Variants in ZNF678 observed in about 807,000 individuals in gnomAD.
The protein encoded by ZNF678 is hypothetical protein MGC42493.
In ZNF678, 5 loss-of-function variants were observed where a neutral mutation model predicts 3.0. The observed-to-expected ratio is 1.69, with a 90% CI of 0.88 to 3.56. ZNF678 has a LOEUF of 3.56. Among genes scored for constraint, ZNF678 ranks in the 30% most tolerant of loss-of-function variants. ZNF678 has a pLI of 0.00. For synonymous variants in ZNF678, 218 were observed against 199.6 expected (o/e 1.09, Z -0.78); for missense variants, 593 against 605.0 (o/e 0.98, Z 0.21).
In ZNF678 at chr1:227,647,270, A is replaced by G. The variant is rs928794769; in HGVS notation, c.-37+600A>G. Among the ~76,000 whole-genome samples the G allele has an allele frequency of 3.9e-5, 6 of 152,150 alleles. No individual in the cohort carries two copies. The South Asian group carries it at 6.2e-4, about 16-fold the overall frequency. On this transcript the variant is annotated intron_variant, in intron 2 of 3. Transcript: ENST00000343776. ...AAAACTCCGTCTCAACAAACAAACA[A>G]AAAGAACCTATACATTTAAAATCCT...
In ZNF678 at chr1:227,646,611, C is replaced by T; in HGVS notation, c.-96C>T. The T allele has an allele frequency of 7.3e-7, 1 of 1,372,462 alleles. No individual in the cohort carries two copies. Among genetic ancestry groups the T allele is most frequent in the African/African-American group, 1.5e-5 (1 of 67,894 alleles). 85.0% of individuals were successfully genotyped at this position (1,372,462 alleles called of 1,614,324 possible). On this transcript the variant is annotated 5_prime_UTR_variant, in exon 2 of 4. Transcript: ENST00000343776. ...GAGGAGTGGGCATGCCTGGACCCTG[C>T]CCAGCGAAATTTGTATAGGGATGTG...
intron 5 of ZNF678, among the ~76,000 whole-genome samples, chr1:227,672,511 A>G (rs1239210066): frequency 1.3e-5 from 2 of 152,184 alleles, no homozygotes; most frequent in South Asian, 2.1e-4. Flanking sequence ...TCTCTGGGAA[A>G]CTCAGGTGGA....
At chr1:227,570,392 G>C (rs76110006) in intron 1 of ZNF678, among the ~76,000 whole-genome samples, 2 of 152,212 alleles carry the variant, frequency 1.3e-5, no homozygotes, top group African/African-American at 4.8e-5. Flanking sequence ...CACAGGAGTT[G>C]TGATAGGGAT....
chr1:227,565,952 G>C (rs1257138295), intron 1 of ZNF678, among the ~76,000 whole-genome samples: 2 of 152,030 alleles, frequency 1.3e-5, no homozygotes, highest in Admixed American at 1.3e-4. Context: ...TAGTAGAGAC[G>C]GGGTTTCACC....
intron 1 of ZNF678, among the ~76,000 whole-genome samples, chr1:227,614,955 A>T (rs1299161754): frequency 1.3e-5 from 2 of 152,234 alleles, no homozygotes; most frequent in Non-Finnish European, 2.9e-5. Context: ...AACAGCGTTT[A>T]ATTGAACAAA....
At chr1:227,611,180 TAG>T (rs1193062301) in intron 1 of ZNF678, among the ~76,000 whole-genome samples, 1 of 152,206 alleles carries the variant, frequency 6.6e-6, no homozygotes, top group African/African-American at 2.4e-5. Context: ...ATGATCTGTG[TAG>T]AGAGGACCTA....
chr1:227,598,949 TTC>T, intron 1 of ZNF678: 1 of 827,286 alleles, frequency 1.2e-6, no homozygotes, highest in East Asian at 2.6e-5. Flanking sequence ...TTTCTTCCAG[TTC>T]TCATTCATTT....
intron 1 of ZNF678, among the ~76,000 whole-genome samples, chr1:227,611,565 CAAG>C (rs1307563132): frequency 1.2e-4 from 19 of 152,186 alleles, no homozygotes; most frequent in Admixed American, 9.8e-4. Flanking sequence ...GTGTTCTTCT[CAAG>C]AAGAAGCTAT....
At chr1:227,641,131 G>T (rs149342922) in intron 1 of ZNF678, among the ~76,000 whole-genome samples, 2 of 152,236 alleles carry the variant, frequency 1.3e-5, no homozygotes, top group Non-Finnish European at 2.9e-5. Context: ...TGGAGGCTGA[G>T]GAGTTTCCTT....
chr1:227,677,658 G>GT (rs2102824015), downstream of ZNF678, among the ~76,000 whole-genome samples: 1 of 152,266 alleles, frequency 6.6e-6, no homozygotes, highest in African/African-American at 2.4e-5. Flanking sequence ...TACCTGCCAG[G>GT]TTTTAACTTG....
intron 2 of ZNF678, among the ~76,000 whole-genome samples, chr1:227,648,314 G>A (rs974962348): frequency 1.3e-5 from 2 of 151,836 alleles, no homozygotes; most frequent in African/African-American, 2.4e-5. Flanking sequence ...ACACACATAC[G>A]CATGCATGCA....
At chr1:227,603,868 A>G (rs1319994009) in intron 1 of ZNF678, among the ~76,000 whole-genome samples, 1 of 152,208 alleles carries the variant, frequency 6.6e-6, no homozygotes, top group Non-Finnish European at 1.5e-5. Context: ...TTAGTGTTAC[A>G]CAACCATTAA....
chr1:227,570,900 G>A (rs1446437623), intron 1 of ZNF678, among the ~76,000 whole-genome samples: 1 of 152,068 alleles, frequency 6.6e-6, no homozygotes, highest in Non-Finnish European at 1.5e-5. Context: ...TCACCTGTAA[G>A]ATTAAGTTTA....
chr1:227,650,733 G>A (rs192193548), intron 2 of ZNF678, among the ~76,000 whole-genome samples: 15 of 152,060 alleles, frequency 9.9e-5, no homozygotes, highest in African/African-American at 2.9e-4. Context: ...AGATGTTACC[G>A]TAAATGAGTT....
In ZNF678 at chr1:227,654,858, A is replaced by G. The variant is rs758853529; in HGVS notation, c.608A>G (p.His203Arg). The G allele has an allele frequency of 3.7e-6, 6 of 1,608,926 alleles. No homozygotes were observed. Among genetic ancestry groups the G allele is most frequent in the East Asian group, 4.6e-5 (2 of 43,082 alleles). The change falls in exon 4 of 4, where the codon CAT becomes CGT. Residue 203 changes from histidine to arginine, a missense_variant. Physicochemically the swap from His to Arg is conservative, Grantham distance 29. Coordinates refer to ENST00000343776, the MANE Select transcript of ZNF678 (RefSeq NM_001367909.1). ...CAACTAACTAGCCATAAGAAAATTCATAGTGGAGAGAAACCATACCCATGT... is the reference window on the plus strand; with the variant it reads ...CAACTAACTAGCCATAAGAAAATTCGTAGTGGAGAGAAACCATACCCATGT... ...WSQLTSHKKI[H>R]SGEKPYPCEE... is the part of the protein sequence containing the mutation.
intron 1 of ZNF678, among the ~76,000 whole-genome samples, chr1:227,571,337 A>G (rs1186482135): frequency 6.6e-6 from 1 of 152,204 alleles, no homozygotes; most frequent in Admixed American, 6.5e-5. Context: ...TGTTGTATCC[A>G]TGTTCCAAAC....
At chr1:227,592,890 G>A (rs551167687) in intron 1 of ZNF678, among the ~76,000 whole-genome samples, 49 of 152,350 alleles carry the variant, frequency 3.2e-4, no homozygotes, top group African/African-American at 9.9e-4. Context: ...GTCCACCACA[G>A]TACCACCACA....
At chr1:227,649,037 G>T (rs1659025842) in intron 2 of ZNF678, among the ~76,000 whole-genome samples, 1 of 152,110 alleles carries the variant, frequency 6.6e-6, no homozygotes. Flanking sequence ...TTAAATAGCA[G>T]AATTACATTA....
At chr1:227,649,958 C>T (rs899083296) in intron 2 of ZNF678, among the ~76,000 whole-genome samples, 1 of 151,778 alleles carries the variant, frequency 6.6e-6, no homozygotes, top group African/African-American at 2.4e-5. Flanking sequence ...ATATTTTCTC[C>T]CATCCTTCAG....
Sources: gnomAD v4.1 joint callset for allele counts (sites outside exome capture counted in the v4.1 genomes callset) on GRCh38, gnomAD v4.1.1 for gene constraint, MANE v1.5 for transcripts, NCBI Gene and HGNC (gene_info 2026-07-23, HGNC 2026-07-21) for gene names.